PARVB: variants seen among roughly 807,000 people sequenced by gnomAD.
PARVB encodes the protein parvin beta.
PARVB carries 46 observed loss-of-function variants against 47.0 expected under a neutral mutation model. That is an observed-to-expected ratio of 0.98 (90% CI 0.77 to 1.25). The LOEUF (loss-of-function observed/expected upper bound fraction) is 1.25. Among genes scored for constraint, PARVB ranks in the 50% most tolerant of loss-of-function variants. The probability of loss-of-function intolerance (pLI) is 0.00; values close to 1 mark genes in which losing one functional copy is unlikely to be tolerated. For missense variants in PARVB, 473 were observed against 471.6 expected (o/e 1.00, Z -0.03); for synonymous variants, 196 against 196.3 (o/e 1.00, Z 0.01).
At chr22:44,033,550 T>C (rs1220696570) in intron 1 of PARVB, among the ~76,000 whole-genome samples, 2 of 152,168 alleles carry the variant, frequency 1.3e-5, no homozygotes, top group East Asian at 1.9e-4. Context: ...TGCCTGATAG[T>C]AGTTGGAGGC....
intron 4 of PARVB, among the ~76,000 whole-genome samples, chr22:44,128,014 C>A (rs1407826616): frequency 6.6e-6 from 1 of 152,156 alleles, no homozygotes; most frequent in Non-Finnish European, 1.5e-5. Context: ...TTGAACTGGG[C>A]TCAAACGATC....
chr22:44,040,679 C>A (rs1205193077), intron 1 of PARVB, among the ~76,000 whole-genome samples: 1 of 152,134 alleles, frequency 6.6e-6, no homozygotes, highest in Non-Finnish European at 1.5e-5. Context: ...CCAGTGAGAC[C>A]CATTTTGGAG....
At chr22:44,114,229 C>T (rs1355381089) in intron 3 of PARVB, 6 of 142,198 alleles carry the variant, frequency 4.2e-5, no homozygotes, top group African/African-American at 1.7e-4. Flanking sequence ...AAGTAAGGCC[C>T]TGCACCAACA....
At chr22:44,028,602 G>T (rs1230609940) in intron 1 of PARVB, among the ~76,000 whole-genome samples, 3 of 152,182 alleles carry the variant, frequency 2.0e-5, no homozygotes, top group African/African-American at 4.8e-5. Context: ...GAATAAAGCT[G>T]CTGTGTACAT....
At chr22:44,147,616 A>T (rs1601681767) in intron 8 of PARVB, 2 of 701,886 alleles carry the variant, frequency 2.8e-6, no homozygotes, top group Admixed American at 3.5e-5. Context: ...GGTGGAAGGG[A>T]CCCTCTGCAG....
intron 12 of PARVB, among the ~76,000 whole-genome samples, chr22:44,167,330 G>A (rs1340113482): frequency 1.3e-5 from 2 of 152,220 alleles, no homozygotes; most frequent in African/African-American, 4.8e-5. Context: ...CTATCCCTGG[G>A]CGCAGGTGCT....
intron 2 of PARVB, among the ~76,000 whole-genome samples, chr22:44,010,257 G>T (rs1434772398): frequency 6.6e-6 from 1 of 152,174 alleles, no homozygotes; most frequent in Non-Finnish European, 1.5e-5. Flanking sequence ...GAATCCATGA[G>T]TGTGCAAAGG....
At chr22:44,134,599 C>T (rs1313324812) in intron 6 of PARVB, among the ~76,000 whole-genome samples, 2 of 152,152 alleles carry the variant, frequency 1.3e-5, no homozygotes, top group Admixed American at 1.3e-4. Flanking sequence ...GAAACGGGAG[C>T]AGGGGGTCCT....
intron 10 of PARVB, among the ~76,000 whole-genome samples, chr22:44,157,572 G>A (rs2053962607): frequency 6.6e-6 from 1 of 152,114 alleles, no homozygotes; most frequent in Non-Finnish European, 1.5e-5. Flanking sequence ...AGGAGGGATG[G>A]ATTGCTTTAC....
chr22:44,132,094 TCTC>T (rs1376315257), intron 5 of PARVB, among the ~76,000 whole-genome samples: 2 of 152,116 alleles, frequency 1.3e-5, no homozygotes, highest in East Asian at 3.9e-4. Context: ...GCTGGAAAGT[TCTC>T]CTCGGTCCTG....
chr22:44,139,996 A>G (rs935666066), intron 7 of PARVB, 128 bp from the exon 8 acceptor site: 3 of 111,298 alleles, frequency 2.7e-5, no homozygotes, highest in African/African-American at 1.7e-4. Flanking sequence ...TCTTATCAGT[A>G]GGCCTTTACC....
chr22:44,146,377 G>C (rs1490746553), intron 8 of PARVB: 1 of 140,248 alleles, frequency 7.1e-6, no homozygotes, highest in Non-Finnish European at 1.5e-5. Context: ...ACACGTGCTC[G>C]CACACGCACA....
At chr22:44,023,142 C>T (rs779659610), upstream of PARVB, among the ~76,000 whole-genome samples, 12 of 152,204 alleles carry the variant, frequency 7.9e-5, no homozygotes, top group Admixed American at 2.0e-4. Flanking sequence ...CTGCCTGTGC[C>T]TTCTCTGTCT....
At chr22:44,135,690 T>C (rs1291537930) in intron 6 of PARVB, among the ~76,000 whole-genome samples, 1 of 152,220 alleles carries the variant, frequency 6.6e-6, no homozygotes, top group Non-Finnish European at 1.5e-5. Flanking sequence ...CTCGCAATTA[T>C]GGAGGCCAGA....
chr22:44,043,717 A>G (rs1422983439), intron 1 of PARVB, among the ~76,000 whole-genome samples: 4 of 152,122 alleles, frequency 2.6e-5, no homozygotes, highest in Non-Finnish European at 5.9e-5. Context: ...TGGAATGTGA[A>G]TTCTGTCTCA....
intron 3 of PARVB, among the ~76,000 whole-genome samples, chr22:44,118,512 G>A (rs983828528): frequency 2.0e-5 from 3 of 152,212 alleles, no homozygotes; most frequent in African/African-American, 7.2e-5. Flanking sequence ...GCTGTCCTGG[G>A]TTAGGGTGGG....
At chr22:44,019,645 G>A (rs1017419536), upstream of PARVB, among the ~76,000 whole-genome samples, 8 of 152,204 alleles carry the variant, frequency 5.3e-5, no homozygotes, top group Non-Finnish European at 1.0e-4. Flanking sequence ...AAGGAGCAAT[G>A]GAGCCACATG....
At chr22:44,012,798 C>T (rs546471449) in intron 2 of PARVB, among the ~76,000 whole-genome samples, 40 of 151,936 alleles carry the variant, frequency 2.6e-4, no homozygotes, top group African/African-American at 7.5e-4. Context: ...GAGCTACAGG[C>T]GGTTTTTATT....
intron 1 of PARVB, among the ~76,000 whole-genome samples, chr22:44,063,141 A>G (rs1186659034): frequency 2.0e-5 from 3 of 152,080 alleles, no homozygotes; most frequent in African/African-American, 4.8e-5. Context: ...AGAACAAAAG[A>G]TTGTCCTGGC....
Sources: allele counts gnomAD v4.1 joint callset (sites outside exome capture counted in the v4.1 genomes callset), GRCh38; gene constraint gnomAD v4.1.1; transcripts MANE v1.5; gene names NCBI Gene and HGNC (gene_info 2026-07-23, HGNC 2026-07-21).